Variants in CTNND2 observed in about 807,000 individuals in gnomAD.
CTNND2 encodes the protein catenin delta 2.
CTNND2 carries 22 observed loss-of-function variants against 144.4 expected under a neutral mutation model. The ratio of observed to expected loss-of-function variants is 0.15; its 90% CI spans 0.11 to 0.22. CTNND2 has a LOEUF of 0.22. Among genes scored for constraint, CTNND2 ranks in the 10% least tolerant of loss-of-function variants. The pLI is 1.00. For missense variants in CTNND2, 1,353 were observed against 1,618.8 expected, an observed-to-expected ratio of 0.84 and a Z score of 2.82; for synonymous variants, 751 against 695.6, an observed-to-expected ratio of 1.08 and a Z score of -1.25.
intron 20 of CTNND2, among the ~76,000 whole-genome samples, chr5:10,983,767 T>C (rs776112366): frequency 1.9e-4 from 29 of 152,264 alleles, no homozygotes; most frequent in South Asian, 6.2e-4. Context: ...GTAACACAAG[T>C]TGGGTTCTGT....
At chr5:11,785,508 T>G (rs1178016428) in intron 1 of CTNND2, among the ~76,000 whole-genome samples, 1 of 152,204 alleles carries the variant, frequency 6.6e-6, no homozygotes, top group African/African-American at 2.4e-5. Flanking sequence ...GGATAATGTA[T>G]GTTCTATCAA....
At chr5:11,146,570 G>C (rs1002187632) in intron 12 of CTNND2, among the ~76,000 whole-genome samples, 4 of 152,180 alleles carry the variant, frequency 2.6e-5, no homozygotes, top group Non-Finnish European at 5.9e-5. Context: ...GATGATTAGA[G>C]GTATTAAAGA....
At chr5:11,547,687 G>A (rs1388306516) in intron 3 of CTNND2, among the ~76,000 whole-genome samples, 2 of 152,184 alleles carry the variant, frequency 1.3e-5, no homozygotes, top group Admixed American at 1.3e-4. Context: ...AATCAGGGAA[G>A]TGCAAACTTC....
intron 11 of CTNND2, among the ~76,000 whole-genome samples, chr5:11,181,259 C>A (rs1262092185): frequency 6.6e-6 from 1 of 152,238 alleles, no homozygotes; most frequent in East Asian, 1.9e-4. Flanking sequence ...TTCTGTAATG[C>A]CTGGGGTATA....
intron 1 of CTNND2, among the ~76,000 whole-genome samples, chr5:11,747,807 A>T (rs1561758726): frequency 6.6e-6 from 1 of 152,164 alleles, no homozygotes; most frequent in African/African-American, 2.4e-5. Context: ...TATTAAACAG[A>T]AAGTCCCCAA....
chr5:11,002,357 C>T (rs1296868917), intron 18 of CTNND2, among the ~76,000 whole-genome samples: 1 of 152,262 alleles, frequency 6.6e-6, no homozygotes, highest in Non-Finnish European at 1.5e-5. Context: ...TCCCGCCTCC[C>T]TCTATGAAGG....
At chr5:11,614,243 G>A (rs1468589485) in intron 2 of CTNND2, among the ~76,000 whole-genome samples, 5 of 152,076 alleles carry the variant, frequency 3.3e-5, no homozygotes, top group Admixed American at 3.3e-4. Context: ...TGTTTAGCAG[G>A]TTAAATAAAA....
At chr5:11,521,777 A>G (rs371722528) in intron 3 of CTNND2, among the ~76,000 whole-genome samples, 46 of 152,314 alleles carry the variant, frequency 3.0e-4, no homozygotes, top group African/African-American at 1.1e-3. Context: ...AGCAAAGACA[A>G]TCGATGCTCG....
At chr5:11,338,345 C>T (rs929865840) in intron 9 of CTNND2, among the ~76,000 whole-genome samples, 1 of 152,158 alleles carries the variant, frequency 6.6e-6, no homozygotes, top group African/African-American at 2.4e-5. Context: ...GTCCTCGAGG[C>T]CCTGGCTAGG....
At chr5:11,068,269 C>A (rs966466701) in intron 16 of CTNND2, among the ~76,000 whole-genome samples, 5 of 152,136 alleles carry the variant, frequency 3.3e-5, no homozygotes, top group African/African-American at 1.2e-4. Flanking sequence ...CCTCAGGGAG[C>A]CTTGAAACAA....
chr5:11,564,501 G>A (rs1776921645), intron 3 of CTNND2, among the ~76,000 whole-genome samples: 1 of 152,080 alleles, frequency 6.6e-6, no homozygotes, highest in African/African-American at 2.4e-5. Context: ...TGCACGTGTG[G>A]TTGATCTTCA....
intron 21 of CTNND2, among the ~76,000 whole-genome samples, chr5:10,980,359 C>T (rs1430586013): frequency 3.3e-5 from 5 of 152,178 alleles, no homozygotes; most frequent in African/African-American, 1.2e-4. Context: ...TACCATCTCA[C>T]ACCAGTCAGA....
chr5:11,140,773 T>C (rs1466073950), intron 12 of CTNND2, among the ~76,000 whole-genome samples: 1 of 152,170 alleles, frequency 6.6e-6, no homozygotes, highest in African/African-American at 2.4e-5. Context: ...GTGTATAGTA[T>C]TGGAGAGAAA....
chr5:11,087,277 A>C (rs1232412870), intron 15 of CTNND2, among the ~76,000 whole-genome samples: 2 of 152,230 alleles, frequency 1.3e-5, no homozygotes, highest in East Asian at 3.8e-4. Context: ...ACAAGAGGGT[A>C]GGAAACACCT....
At chr5:11,201,085 C>T (rs897402361) in intron 10 of CTNND2, among the ~76,000 whole-genome samples, 2 of 152,158 alleles carry the variant, frequency 1.3e-5, no homozygotes, top group Non-Finnish European at 2.9e-5. Context: ...AGCCAGCATT[C>T]TTGTTTATCT....
chr5:11,181,791 T>C (rs1735018270), intron 11 of CTNND2, among the ~76,000 whole-genome samples: 2 of 145,224 alleles, frequency 1.4e-5, no homozygotes, highest in Admixed American at 1.4e-4. Context: ...TGTGTGTCTG[T>C]GTGGTGTGTG....
intron 9 of CTNND2, among the ~76,000 whole-genome samples, chr5:11,275,083 T>C (rs912480534): frequency 6.6e-6 from 1 of 152,070 alleles, no homozygotes; most frequent in Non-Finnish European, 1.5e-5. Context: ...GGTTAATGCG[T>C]GGGTGGGAAC....
intron 3 of CTNND2, among the ~76,000 whole-genome samples, chr5:11,473,888 G>T (rs1767471084): frequency 3.3e-5 from 5 of 152,216 alleles, no homozygotes; most frequent in Admixed American, 2.0e-4. Flanking sequence ...GTGGATCTTA[G>T]TTAAACAAAT....
intron 16 of CTNND2, among the ~76,000 whole-genome samples, chr5:11,067,283 A>T (rs1053630201): frequency 2.0e-5 from 3 of 152,238 alleles, no homozygotes; most frequent in African/African-American, 7.2e-5. Context: ...ACCAAAATGC[A>T]GTGGTAATAC....
Sources: allele counts gnomAD v4.1 joint callset (sites outside exome capture counted in the v4.1 genomes callset), GRCh38; gene constraint gnomAD v4.1.1; transcripts MANE v1.5; gene names NCBI Gene and HGNC (gene_info 2026-07-23, HGNC 2026-07-21).